Variants in CPAMD8 observed in about 807,000 individuals in gnomAD.
CPAMD8 encodes the protein C3 and PZP like alpha-2-macroglobulin domain containing 8.
In CPAMD8, 146 loss-of-function variants were observed where a neutral mutation model predicts 224.7. The ratio of observed to expected loss-of-function variants is 0.65; its 90% CI spans 0.57 to 0.75. CPAMD8 has a LOEUF of 0.75. Among genes scored for constraint, CPAMD8 ranks in the 30% least tolerant of loss-of-function variants. CPAMD8 has a pLI of 0.00. For synonymous variants in CPAMD8, 966 were observed against 1,044.6 expected (o/e 0.92, Z 1.45); for missense variants, 2,301 against 2,537.5 (o/e 0.91, Z 2.00).
rs538295227 is a variant in CPAMD8, at chr19:16,989,918, G to A, written c.1267-147C>T. On this transcript the variant is annotated intron_variant, in intron 12 of 41. Transcript: ENST00000443236. ...GAACCCCCTCCCCAATCCTCAGGGAGTAATAGCCAGTTGTCCAGCCCATTC... is the reference window on the plus strand; with the variant it reads ...GAACCCCCTCCCCAATCCTCAGGGAATAATAGCCAGTTGTCCAGCCCATTC... 667 of 748,390 alleles carry A rather than the reference G, an allele frequency of 8.9e-4. 1 individual carries two copies. The highest frequency in any genetic ancestry group is 1.3e-3 in the Non-Finnish European group (568 of 439,468). The allele number at this position is 748,390 out of a possible 1,614,324, so 46.4% of individuals were successfully genotyped here.
chr19:16,996,817 TAAAAA>T (rs11332531), intron 11 of CPAMD8, among the ~76,000 whole-genome samples: 2 of 108,350 alleles, frequency 1.8e-5, no homozygotes, highest in Non-Finnish European at 3.8e-5. Context: ...TGACTATCTC[TAAAAA>T]AAAAAAAAAA....
At position 16,984,330 on chromosome 19, in the gene CPAMD8, AAGAG is replaced by A. The variant is rs770216662; in HGVS notation, c.1396-3648_1396-3645del. Among the ~76,000 whole-genome samples the A allele has an allele frequency of 4.4e-3, 579 of 132,558 alleles. 12 individuals carry two copies. The East Asian group carries it at 0.066, about 15-fold the overall frequency. The allele number at this position is 132,558 out of a possible 152,430, so 87.0% of individuals were successfully genotyped here. A position where few individuals can be genotyped will look rare whatever the true frequency, so the allele number is the denominator to read the frequency against. On this transcript the variant is annotated intron_variant, in intron 13 of 41. Coordinates refer to ENST00000443236, the MANE Select transcript of CPAMD8 (RefSeq NM_015692.5). ...TCCTATCTCAAAAAAAAAAAAAAAAAAGAGAGAGAGAGAGAGAGAGAGAATGAAT... is the reference window on the plus strand; with the variant it reads ...TCCTATCTCAAAAAAAAAAAAAAAAAAGAGAGAGAGAGAGAGAGAATGAAT...
At chr19:16,914,185 C>T (rs1474293876) in intron 29 of CPAMD8, among the ~76,000 whole-genome samples, 2 of 152,118 alleles carry the variant, frequency 1.3e-5, no homozygotes, top group African/African-American at 4.8e-5. Context: ...GGGCACCTCC[C>T]CAGCCCCCAA....
chr19:16,957,225 C>T (rs1006315832), intron 19 of CPAMD8, among the ~76,000 whole-genome samples: 2 of 152,192 alleles, frequency 1.3e-5, no homozygotes, highest in Non-Finnish European at 2.9e-5. Flanking sequence ...CACCTTGTGC[C>T]TGGAGGAAGG....
intron 32 of CPAMD8, 107 bp from the exon 33 acceptor site, chr19:16,903,964 G>T: frequency 8.5e-7 from 1 of 1,171,392 alleles, no homozygotes; most frequent in Non-Finnish European, 1.2e-6. Flanking sequence ...AACGGGGCTG[G>T]AATAGAGACT....
chr19:16,921,121 C>T (rs2053159232), intron 27 of CPAMD8, among the ~76,000 whole-genome samples: 1 of 152,034 alleles, frequency 6.6e-6, no homozygotes, highest in Admixed American at 6.5e-5. Flanking sequence ...GGGTGAGTCG[C>T]CAACCCTGGG....
At chr19:16,972,105 C>G (rs936119124) in intron 17 of CPAMD8, among the ~76,000 whole-genome samples, 1 of 152,074 alleles carries the variant, frequency 6.6e-6, no homozygotes, top group South Asian at 2.1e-4. Context: ...GGGAGGAAAT[C>G]AGTTGGCGCA....
chr19:16,914,733 T>C lies in CPAMD8; in HGVS notation c.3710A>G (p.Lys1237Arg), dbSNP rs1391255136. ...CTGCTGCTGCTGGATGATCCAGCTC[T>C]TGGCGGCAGCCAGCTCCCGGGGGTC... is the stretch of plus-strand genomic sequence containing the variant. The part of the protein sequence containing the change: ...FVDPRELAAA[K>R]SWIIQQQQAD... The change falls in exon 28 of 42, where the codon AAG becomes AGG. Residue 1237 changes from lysine (K) to arginine (R), a missense_variant. Transcript: ENST00000443236. 2 of 1,614,074 alleles carry C rather than the reference T, an allele frequency of 1.2e-6. No individual in the cohort carries two copies. The highest frequency in any genetic ancestry group is 1.1e-5 in the South Asian group (1 of 91,084).
In CPAMD8 at chr19:16,986,182, G is replaced by A. The variant is rs377317930; in HGVS notation, c.1395+3461C>T. ...TGGAGCCCCCCAGTTCCCCCCTGCC[G>A]GGGCCCTGGCGCTAGAAGAAGAGGA... is the stretch of plus-strand genomic sequence containing the variant. On this transcript the variant is annotated intron_variant, in intron 13 of 41. Coordinates refer to ENST00000443236, the MANE Select transcript of CPAMD8 (RefSeq NM_015692.5). 6.6e-3 allele frequency among the ~76,000 whole-genome samples: 1,000 copies of A among 152,184 alleles called. 8 individuals carry two copies. The highest frequency in any genetic ancestry group is 0.021 in the African/African-American group (879 of 41,522).
intron 18 of CPAMD8, among the ~76,000 whole-genome samples, chr19:16,958,182 TG>T (rs1292664180): frequency 3.9e-5 from 6 of 152,178 alleles, no homozygotes; most frequent in African/African-American, 1.4e-4. Flanking sequence ...CATAGGTAAA[TG>T]TGTGTCATGG....
At chr19:16,982,043 C>T (rs1169133765) in intron 13 of CPAMD8, among the ~76,000 whole-genome samples, 2 of 152,094 alleles carry the variant, frequency 1.3e-5, no homozygotes, top group Admixed American at 1.3e-4. Flanking sequence ...ATCACTTGAG[C>T]CCAGAAGCTT....
At position 16,896,512 on chromosome 19, in the gene CPAMD8, G is replaced by A; in HGVS notation, c.5219C>T (p.Ala1740Val). ...VYASACRLRE[A>V]ACRQAAPLEP... is the part of the protein sequence containing the mutation. ...CAGGGGCGCGGCCTGGCGGCAGGCGGCCTCCCGCAGGCGGCAGGCGCTGGC... is the reference window on the plus strand; with the variant it reads ...CAGGGGCGCGGCCTGGCGGCAGGCGACCTCCCGCAGGCGGCAGGCGCTGGC... The change falls in exon 40 of 42, where the codon GCC becomes GTC. Residue 1740 changes from alanine to valine, a missense_variant. Ala to Val is a moderately conservative substitution (Grantham distance 64). Coordinates refer to ENST00000443236, the MANE Select transcript of CPAMD8 (RefSeq NM_015692.5). 7.0e-7 allele frequency: 1 copy of A among 1,429,964 alleles called. No homozygotes were observed. The allele number at this position is 1,429,964 out of a possible 1,614,324, so 88.6% of individuals were successfully genotyped here.
At chr19:16,934,264 G>A (rs547913999) in intron 23 of CPAMD8, among the ~76,000 whole-genome samples, 5 of 152,210 alleles carry the variant, frequency 3.3e-5, no homozygotes, top group Admixed American at 6.5e-5. Context: ...TTTCACAGAC[G>A]TACATATATG....
intron 19 of CPAMD8, 36 bp downstream of exon 19, chr19:16,957,817 C>T (rs747961361): frequency 7.5e-6 from 12 of 1,609,418 alleles, no homozygotes; most frequent in South Asian, 3.3e-5. Flanking sequence ...TTCACTCAAC[C>T]GGCAAAGTCA....
At chr19:16,914,371 T>G in intron 29 of CPAMD8, 53 bp downstream of exon 29, 2 of 1,474,472 alleles carry the variant, frequency 1.4e-6, no homozygotes, top group South Asian at 1.1e-5. Context: ...GAACCTTCCA[T>G]TTGCTCCTCC....
intron 36 of CPAMD8, among the ~76,000 whole-genome samples, 163 bp downstream of exon 36, chr19:16,901,047 G>C (rs1371961451): frequency 1.2e-4 from 18 of 151,240 alleles, no homozygotes; most frequent in African/African-American, 4.9e-5. Flanking sequence ...AGGGTAAAAG[G>C]GGAGGGGGAG....
intron 3 of CPAMD8, among the ~76,000 whole-genome samples, chr19:17,017,677 T>G: frequency 6.6e-6 from 1 of 152,216 alleles, no homozygotes; most frequent in South Asian, 2.1e-4. Context: ...ATGTGCCCTG[T>G]AGGGCAAAAG....
intron 22 of CPAMD8, among the ~76,000 whole-genome samples, chr19:16,941,800 C>G (rs906951654): frequency 6.6e-6 from 1 of 152,084 alleles, no homozygotes; most frequent in Non-Finnish European, 1.5e-5. Flanking sequence ...TGGTGAAACC[C>G]TGCCTCTACT....
intron 26 of CPAMD8, among the ~76,000 whole-genome samples, chr19:16,924,599 C>T (rs2053292366): frequency 6.6e-6 from 1 of 152,156 alleles, no homozygotes; most frequent in Non-Finnish European, 1.5e-5. Flanking sequence ...TTATTTTTTA[C>T]AGTTGGGGTC....
Sources: allele counts gnomAD v4.1 joint callset (sites outside exome capture counted in the v4.1 genomes callset), GRCh38; gene constraint gnomAD v4.1.1; transcripts MANE v1.5; gene names NCBI Gene and HGNC (gene_info 2026-07-23, HGNC 2026-07-21).